The following SGMS1 variants were observed in gnomAD, a reference collection of about 807,000 sequenced individuals.
SGMS1 encodes the protein phosphatidylcholine:ceramide cholinephosphotransferase 1.
Under a neutral mutation model 46.2 loss-of-function variants are expected in SGMS1, and 13 were observed. The observed-to-expected ratio is 0.28, with a 90% confidence interval of 0.18 to 0.45. SGMS1 has a LOEUF of 0.45. Among genes scored for constraint, SGMS1 ranks in the 20% least tolerant of loss-of-function variants. The pLI is 1.00. For missense variants in SGMS1, 324 were observed against 519.9 expected (o/e 0.62, Z 3.66); for synonymous variants, 203 against 187.8 (o/e 1.08, Z -0.66).
intron 9 of SGMS1, among the ~76,000 whole-genome samples, chr10:50,309,765 T>C (rs1847227674): frequency 6.6e-6 from 1 of 152,192 alleles, no homozygotes; most frequent in African/African-American, 2.4e-5. Flanking sequence ...CCTTCCTGTA[T>C]TTCCTTATCT....
intron 2 of SGMS1, among the ~76,000 whole-genome samples, chr10:50,587,631 ATATGTGTGTG>A (rs1220787558): frequency 5.2e-4 from 62 of 118,726 alleles, no homozygotes; most frequent in Admixed American, 1.7e-3. Context: ...CTCAAAATAT[ATATGTGTGTG>A]TGTGTGTGTG....
At chr10:50,610,314 T>G (rs1215161360) in intron 1 of SGMS1, among the ~76,000 whole-genome samples, 1 of 152,220 alleles carries the variant, frequency 6.6e-6, no homozygotes, top group African/African-American at 2.4e-5. Flanking sequence ...TTTTCACTTT[T>G]TATCCACTTT....
chr10:50,371,053 G>T (rs759890333), intron 6 of SGMS1, among the ~76,000 whole-genome samples: 1 of 152,178 alleles, frequency 6.6e-6, no homozygotes, highest in Admixed American at 6.5e-5. Context: ...CAAGTGTTAT[G>T]TAAGGTACAT....
intron 3 of SGMS1, among the ~76,000 whole-genome samples, chr10:50,509,701 T>C (rs550500955): frequency 6.6e-6 from 1 of 152,290 alleles, no homozygotes; most frequent in South Asian, 2.1e-4. Flanking sequence ...TCTATAGTAA[T>C]AGCTATTTCC....
At chr10:50,408,836 T>C (rs1035494751) in intron 6 of SGMS1, among the ~76,000 whole-genome samples, 2 of 152,048 alleles carry the variant, frequency 1.3e-5, no homozygotes, top group Admixed American at 1.3e-4. Context: ...GATTGTACCA[T>C]CGCACTCCAG....
chr10:50,534,532 T>A (rs1001070052), intron 2 of SGMS1, among the ~76,000 whole-genome samples: 1 of 152,202 alleles, frequency 6.6e-6, no homozygotes, highest in Non-Finnish European at 1.5e-5. Context: ...TTTGACACAG[T>A]TCCAGTTTGA....
chr10:50,406,160 C>A (rs1459684957), intron 6 of SGMS1, among the ~76,000 whole-genome samples: 1 of 152,112 alleles, frequency 6.6e-6, no homozygotes, highest in Non-Finnish European at 1.5e-5. Context: ...ACAAATTCAC[C>A]ATTTACAGCC....
At chr10:50,427,169 C>A (rs1564910528) in intron 6 of SGMS1, among the ~76,000 whole-genome samples, 1 of 152,078 alleles carries the variant, frequency 6.6e-6, no homozygotes, top group Admixed American at 6.6e-5. Context: ...AAGGCCGAGG[C>A]GGACAGATCA....
At chr10:50,534,136 AT>A (rs774757747) in intron 2 of SGMS1, among the ~76,000 whole-genome samples, 15 of 152,196 alleles carry the variant, frequency 9.9e-5, no homozygotes, top group Non-Finnish European at 2.1e-4. Flanking sequence ...GCACACACAC[AT>A]TTAAGTATAG....
At chr10:50,540,201 G>C (rs563686681) in intron 2 of SGMS1, among the ~76,000 whole-genome samples, 48 of 152,308 alleles carry the variant, frequency 3.2e-4, no homozygotes, top group African/African-American at 1.1e-3. Flanking sequence ...GACATTTTCT[G>C]CTAGATTAGA....
rs114348894 is a variant in SGMS1, at chr10:50,478,103, T to C, written c.-497-11171A>G. 3.3e-5 allele frequency among the ~76,000 whole-genome samples: 5 copies of C among 152,198 alleles called. No homozygotes were observed. In the East Asian group the frequency reaches 7.7e-4, roughly 23 times the overall value. On this transcript the variant is annotated intron_variant, in intron 3 of 10. Transcript: ENST00000361781. ...AGTGGGTAACAACTGATGGACAGCC[T>C]TGAATTCCAACTGCATAGATGTATG...
At chr10:50,327,836 C>T (rs1455284481) in intron 7 of SGMS1, among the ~76,000 whole-genome samples, 5 of 152,290 alleles carry the variant, frequency 3.3e-5, no homozygotes, top group Non-Finnish European at 5.9e-5. Flanking sequence ...ATGCCAAGAA[C>T]GAACCTATGG....
At chr10:50,625,004 C>A, upstream of SGMS1, 1 of 1,016,572 alleles carries the variant, frequency 9.8e-7, no homozygotes, top group Non-Finnish European at 1.2e-6. Flanking sequence ...TGGGAGCTGG[C>A]GGGACCGTCC....
intron 3 of SGMS1, among the ~76,000 whole-genome samples, chr10:50,490,644 C>A (rs1837559475): frequency 6.6e-6 from 1 of 152,172 alleles, no homozygotes; most frequent in African/African-American, 2.4e-5. Flanking sequence ...TCAAAGAATT[C>A]TTGTGGAGGC....
intron 6 of SGMS1, among the ~76,000 whole-genome samples, chr10:50,421,256 A>G (rs1437580535): frequency 6.6e-6 from 1 of 152,164 alleles, no homozygotes; most frequent in Admixed American, 6.5e-5. Flanking sequence ...CCTCTGCCAA[A>G]TAACCCGCTG....
At chr10:50,420,622 T>G (rs1849243311) in intron 6 of SGMS1, among the ~76,000 whole-genome samples, 1 of 152,268 alleles carries the variant, frequency 6.6e-6, no homozygotes, top group Admixed American at 6.5e-5. Flanking sequence ...CACTGATATT[T>G]TATATTTATG....
rs368870082 is a variant in SGMS1, at chr10:50,596,898, G to T, written c.-683-6651C>A. On this transcript the variant is annotated intron_variant, in intron 1 of 10. Coordinates refer to ENST00000361781, the MANE Select transcript of SGMS1 (RefSeq NM_147156.4). ...ACTTGCTTAAAGTCAGTGACTGCTAGTCCCACAGACTAGCAGATGGGTACA... is the reference window on the plus strand; with the variant it reads ...ACTTGCTTAAAGTCAGTGACTGCTATTCCCACAGACTAGCAGATGGGTACA... Among the ~76,000 whole-genome samples the T allele has an allele frequency of 2.6e-5, 4 of 152,282 alleles. No individual in the cohort carries two copies. The East Asian group carries it at 7.7e-4, about 29-fold the overall frequency.
At chr10:50,320,649 T>A (rs1353853725) in intron 8 of SGMS1, among the ~76,000 whole-genome samples, 1 of 152,248 alleles carries the variant, frequency 6.6e-6, no homozygotes, top group African/African-American at 2.4e-5. Flanking sequence ...ACTGCCTGTC[T>A]GGAGTCATCT....
At chr10:50,413,916 A>G (rs1409878903) in intron 6 of SGMS1, among the ~76,000 whole-genome samples, 2 of 152,228 alleles carry the variant, frequency 1.3e-5, no homozygotes, top group African/African-American at 2.4e-5. Flanking sequence ...AAATGTGACC[A>G]TCTCTCTTTT....
Sources: allele counts gnomAD v4.1 joint callset (sites outside exome capture counted in the v4.1 genomes callset), GRCh38; gene constraint gnomAD v4.1.1; transcripts MANE v1.5; gene names NCBI Gene and HGNC (gene_info 2026-07-23, HGNC 2026-07-21).